EVI2A: variants seen among roughly 807,000 people sequenced by gnomAD.
EVI2A encodes the protein ecotropic viral integration site 2A.
A neutral mutation model predicts 13.0 loss-of-function variants in EVI2A; 11 were observed. The ratio of observed to expected loss-of-function variants is 0.85; its 90% CI spans 0.53 to 1.40. The LOEUF (loss-of-function observed/expected upper bound fraction) is 1.40. Ranked by LOEUF, EVI2A falls within the 40% of genes most tolerant of loss-of-function variation. The pLI is 0.00. For synonymous variants in EVI2A, 89 were observed against 98.0 expected, an observed-to-expected ratio of 0.91 and a Z score of 0.54; for missense variants, 267 against 279.5, an observed-to-expected ratio of 0.96 and a Z score of 0.32.
intron 1 of EVI2A, chr17:31,320,247 T>C (rs1200647406): frequency 1.5e-6 from 1 of 687,684 alleles, no homozygotes; most frequent in African/African-American, 1.8e-5. Context: ...CAAAACTATA[T>C]TGTTCTCCTG....
intron 1 of EVI2A, 129 bp from the exon 2 acceptor site, chr17:31,319,152 C>T: frequency 1.1e-6 from 1 of 930,586 alleles, no homozygotes; most frequent in Non-Finnish European, 1.6e-6. Flanking sequence ...TATTCGCTAC[C>T]CTGAATTCCT....
intron 1 of EVI2A, chr17:31,320,509 G>A (rs1320921677): frequency 3.2e-6 from 4 of 1,252,534 alleles, no homozygotes; most frequent in Non-Finnish European, 4.6e-6. Flanking sequence ...GCTGACATTT[G>A]TATACTATTA....
rs1352496812 is a variant in EVI2A at position 31,318,692 on chromosome 17, G to A, written c.322C>T (p.Gln108Ter). Residue 108 changes from glutamine (Q) to a stop codon, truncating the protein, a stop_gained, in exon 2 of 2, where the codon CAG (glutamine) becomes TAG (stop). Coordinates refer to ENST00000462804, the MANE Select transcript of EVI2A (RefSeq NM_014210.4). LOFTEE classifies it high-confidence loss of function. ...CTTTTGCTTGTGTTTTCAATGCTCT[G>A]TACTGTTGAAGGACTGTTGCTGACG... ...SVVSNSPSTV[Q>*]SIENTSKSHG... is the part of the protein sequence containing the mutation. 1 of 1,614,074 alleles carries A rather than the reference G, an allele frequency of 6.2e-7. No individual in the cohort carries two copies. The highest frequency in any genetic ancestry group is 1.6e-4 in the Middle Eastern group (1 of 6,062).
rs1402839210 is a variant in EVI2A at position 31,317,580 on chromosome 17, TTA to T, written c.*721_*722del. 2.0e-5 allele frequency: 3 copies of T among 152,196 alleles called. No individual in the cohort carries two copies. The highest frequency in any genetic ancestry group is 7.2e-5 in the African/African-American group (3 of 41,446). 9.4% of individuals were successfully genotyped at this position (152,196 alleles called of 1,614,324 possible). A position where few individuals can be genotyped will look rare whatever the true frequency, so the allele number is the denominator to read the frequency against. Reference sequence around the variant, plus strand: ...TAGCCTATTGGTGTGGCTATAAATCTTATTTATTTTAGTTGTGCTCTATTTCT... The same window carrying T: ...TAGCCTATTGGTGTGGCTATAAATCTTTTATTTTAGTTGTGCTCTATTTCT... On this transcript the variant is annotated 3_prime_UTR_variant, in exon 2 of 2. Coordinates refer to ENST00000462804, the MANE Select transcript of EVI2A (RefSeq NM_014210.4).
In EVI2A at chr17:31,317,269, TG is replaced by T. The variant is rs895043832; in HGVS notation, c.*1033del. Among the ~76,000 whole-genome samples, 2 of 151,780 alleles carry T rather than the reference TG, an allele frequency of 1.3e-5. No homozygotes were observed. Among genetic ancestry groups the T allele is most frequent in the African/African-American group, 4.8e-5 (2 of 41,284 alleles). ...TTTTTGTAATATATTTAATTGAAGA[TG>T]GGGGGGTTCTCAACTTAAATGTAAG... On this transcript the variant is annotated 3_prime_UTR_variant, in exon 2 of 2. Coordinates refer to ENST00000462804, the MANE Select transcript of EVI2A (RefSeq NM_014210.4).
rs545549460 is a variant in EVI2A, at chr17:31,321,248, G to A, written c.-11+247C>T. Among the ~76,000 whole-genome samples, 6 of 152,152 alleles carry A rather than the reference G, an allele frequency of 3.9e-5. No individual in the cohort carries two copies. In the East Asian group the frequency reaches 1.2e-3, roughly 29 times the overall value. ...TTTGAAAAATAACAAAACATTTCCA[G>A]TTTACTTGAGGAAACCAAACTTAGA... On this transcript the variant is annotated intron_variant, in intron 1 of 1. Coordinates refer to ENST00000462804, the MANE Select transcript of EVI2A (RefSeq NM_014210.4).
chr17:31,319,084 A>C lies in EVI2A; in HGVS notation c.-10-61T>G, dbSNP rs538976923. 2.1e-5 allele frequency: 32 copies of C among 1,493,528 alleles called. No homozygotes were observed. In the East Asian group the frequency reaches 2.3e-4, roughly 11 times the overall value. 92.5% of individuals were successfully genotyped at this position (1,493,528 alleles called of 1,614,324 possible). On this transcript the variant is annotated intron_variant, in intron 1 of 1. Coordinates refer to ENST00000462804, the MANE Select transcript of EVI2A (RefSeq NM_014210.4). ...AAGAATAATGGATCCTAGTTTTGGT[A>C]ATTGTAGTTAAAAGATAGTGTTGAG...
chr17:31,316,510 T>C lies in EVI2A; in HGVS notation c.*1793A>G, dbSNP rs1017355220. Among the ~76,000 whole-genome samples, 1 of 152,214 alleles carries C rather than the reference T, an allele frequency of 6.6e-6. No individual in the cohort carries two copies. The highest frequency in any genetic ancestry group is 1.5e-5 in the Non-Finnish European group (1 of 68,046). On this transcript the variant is annotated 3_prime_UTR_variant, in exon 2 of 2. Transcript: ENST00000462804. ...GAATATGAAAGTAATTTCCTATTTT[T>C]ATGATGATATTAATTTCTTTTAATT... is the stretch of plus-strand genomic sequence containing the variant.
rs398041633 is a variant in EVI2A at position 31,320,343 on chromosome 17, T to TTAA, written c.-11+1151_-11+1152insTTA. The TTAA allele has an allele frequency of 5.9e-4, 688 of 1,172,518 alleles. 34 individuals carry two copies. Among genetic ancestry groups the TTAA allele is most frequent in the South Asian group, 1.4e-3 (84 of 59,454 alleles). 72.6% of individuals were successfully genotyped at this position (1,172,518 alleles called of 1,614,324 possible). A position where few individuals can be genotyped will look rare whatever the true frequency, so the allele number is the denominator to read the frequency against. On this transcript the variant is annotated intron_variant, in intron 1 of 1. Coordinates refer to ENST00000462804, the MANE Select transcript of EVI2A (RefSeq NM_014210.4). ...AAATGTACTTAGGAGTCCTTTTATT[T>TTAA]AAAAAAAAAAAAAAAAGGCAGATTC...
At chr17:31,319,515 G>T (rs1217035101) in intron 1 of EVI2A, among the ~76,000 whole-genome samples, 5 of 152,072 alleles carry the variant, frequency 3.3e-5, no homozygotes, top group Admixed American at 3.3e-4. Context: ...GGAAAGAGGG[G>T]AAGTTTGGTA....
chr17:31,320,524 A>C, intron 1 of EVI2A: 1 of 1,125,378 alleles, frequency 8.9e-7, no homozygotes, highest in Non-Finnish European at 1.3e-6. Flanking sequence ...CTATTAAAAT[A>C]CAGAAATTGA....
chr17:31,317,125 T>A lies in EVI2A; in HGVS notation c.*1178A>T, dbSNP rs1171847219. On this transcript the variant is annotated 3_prime_UTR_variant, in exon 2 of 2. Transcript: ENST00000462804. ...GGAAAAAACATATAAAAAATATTTT[T>A]AAAATGGTTACTATATTGCCCGAAA... Among the ~76,000 whole-genome samples, 1 of 152,154 alleles carries A rather than the reference T, an allele frequency of 6.6e-6. No homozygotes were observed. The highest frequency in any genetic ancestry group is 6.6e-5 in the Admixed American group (1 of 15,260).
At position 31,318,921 on chromosome 17, in the gene EVI2A, G is replaced by A. The variant is rs757022913; in HGVS notation, c.93C>T (p.Asn31=). ...VFSLSPGTKA[N]YTRLWANSTS... is the part of the protein sequence containing the mutation. ...TACTGTTAGCCCACAGACGGGTATA[G>A]TTTGCTTTTGTTCCAGGAGACAAAG... The change falls in exon 2 of 2, where the codon AAC becomes AAT. Residue 31 remains asparagine (N), a synonymous_variant. Coordinates refer to ENST00000462804, the MANE Select transcript of EVI2A (RefSeq NM_014210.4). 1.2e-6 allele frequency: 2 copies of A among 1,613,996 alleles called. No homozygotes were observed. The highest frequency in any genetic ancestry group is 1.1e-5 in the South Asian group (1 of 91,090).
rs2069096979 is a variant in EVI2A at position 31,318,773 on chromosome 17, A to G, written c.241T>C (p.Ser81Pro). Residue 81 changes from serine (S) to proline (P), a missense_variant, in exon 2 of 2, where the codon TCT (serine) becomes CCT (proline). Transcript: ENST00000462804. ...KGNSTNMPETSHIVALTSKSE... is the reference protein window; with the variant it reads ...KGNSTNMPETPHIVALTSKSE... ...TTAGAAGTTAAAGCTACGATGTGAG[A>G]TGTTTCAGGCATGTTTGTAGAATTA... 1 of 1,613,874 alleles carries G rather than the reference A, an allele frequency of 6.2e-7. No homozygotes were observed. Among genetic ancestry groups the G allele is most frequent in the Non-Finnish European group, 8.5e-7 (1 of 1,179,978 alleles).
At chr17:31,320,040 A>G (rs2069139990) in intron 1 of EVI2A, among the ~76,000 whole-genome samples, 1 of 152,108 alleles carries the variant, frequency 6.6e-6, no homozygotes, top group Non-Finnish European at 1.5e-5. Flanking sequence ...GTTATATTAT[A>G]CATTTTTTAA....
chr17:31,317,386 C>A lies in EVI2A; in HGVS notation c.*917G>T, dbSNP rs1007915350. 1.3e-5 allele frequency among the ~76,000 whole-genome samples: 2 copies of A among 151,490 alleles called. No individual in the cohort carries two copies. Among genetic ancestry groups the A allele is most frequent in the African/African-American group, 2.4e-5 (1 of 41,220 alleles). On this transcript the variant is annotated 3_prime_UTR_variant, in exon 2 of 2. Coordinates refer to ENST00000462804, the MANE Select transcript of EVI2A (RefSeq NM_014210.4). The stretch of plus-strand genomic sequence containing the variant: ...AGATTTGAACACACACACACACACA[C>A]ACACACACACACACACACCCCTAAT...
rs369338417 is a variant in EVI2A at position 31,318,824 on chromosome 17, T to C, written c.190A>G (p.Ile64Val). Reference protein sequence around the residue: ...NQNENINTNPITPEVDYKGNS... With the variant: ...NQNENINTNPVTPEVDYKGNS... ...CCTTTATAATCTACTTCAGGAGTTA[T>C]AGGGTTTGTGTTAATGTTTTCATTT... The change falls in exon 2 of 2, where the codon ATA becomes GTA. Residue 64 changes from isoleucine to valine, a missense_variant. Physicochemically the swap from Ile to Val is conservative, Grantham distance 29. Coordinates refer to ENST00000462804, the MANE Select transcript of EVI2A (RefSeq NM_014210.4). 52 of 1,613,880 alleles carry C rather than the reference T, an allele frequency of 3.2e-5. No homozygotes were observed. In the South Asian group the frequency reaches 3.6e-4, roughly 11 times the overall value.
rs1397035975 is a variant in EVI2A, at chr17:31,318,431, T to C, written c.583A>G (p.Thr195Ala). The C allele has an allele frequency of 6.2e-7, 1 of 1,614,030 alleles. No individual in the cohort carries two copies. Among genetic ancestry groups the C allele is most frequent in the East Asian group, 2.2e-5 (1 of 44,878 alleles). ...ASGLWPAESD[T>A]WKRTKQLTGP... ...GTGAGCTGTTTTGTTCTTTTCCAAGTGTCTGATTCAGCGGGCCATAGACCG... is the reference window on the plus strand; with the variant it reads ...GTGAGCTGTTTTGTTCTTTTCCAAGCGTCTGATTCAGCGGGCCATAGACCG... The change falls in exon 2 of 2, where the codon ACT becomes GCT. Residue 195 changes from threonine to alanine, a missense_variant. Thr to Ala is a moderately conservative substitution (Grantham distance 58). Coordinates refer to ENST00000462804, the MANE Select transcript of EVI2A (RefSeq NM_014210.4).
chr17:31,318,768 G>A lies in EVI2A; in HGVS notation c.246C>T (p.His82=). The change falls in exon 2 of 2, where the codon CAC becomes CAT. Residue 82 remains histidine, a synonymous_variant. Coordinates refer to ENST00000462804, the MANE Select transcript of EVI2A (RefSeq NM_014210.4). ...CAGATTTAGAAGTTAAAGCTACGATGTGAGATGTTTCAGGCATGTTTGTAG... is the reference window on the plus strand; with the variant it reads ...CAGATTTAGAAGTTAAAGCTACGATATGAGATGTTTCAGGCATGTTTGTAG... The part of the protein sequence containing the change: ...GNSTNMPETS[H]IVALTSKSEQ... 6.2e-6 allele frequency: 10 copies of A among 1,614,048 alleles called. No homozygotes were observed. Among genetic ancestry groups the A allele is most frequent in the Non-Finnish European group, 7.6e-6 (9 of 1,179,978 alleles).
Sources: allele counts gnomAD v4.1 joint callset (sites outside exome capture counted in the v4.1 genomes callset), GRCh38; gene constraint gnomAD v4.1.1; transcripts MANE v1.5; gene names NCBI Gene and HGNC (gene_info 2026-07-23, HGNC 2026-07-21).